The following RABGAP1L variants were observed in gnomAD, a reference collection of about 807,000 sequenced individuals.
RABGAP1L encodes rab GTPase-activating protein 1-like.
RABGAP1L carries 63 observed loss-of-function variants against 137.7 expected under a neutral mutation model. The observed-to-expected ratio is 0.46, with a 90% CI of 0.37 to 0.56. RABGAP1L has a LOEUF of 0.56. RABGAP1L is among the 20% of genes least tolerant of loss of function. RABGAP1L has a pLI of 0.00. For synonymous variants in RABGAP1L, 431 were observed against 433.7 expected (o/e 0.99, Z 0.08); for missense variants, 1,095 against 1,244.0 (o/e 0.88, Z 1.80).
At chr1:174,580,704 G>A (rs766191744) in intron 13 of RABGAP1L, among the ~76,000 whole-genome samples, 7 of 151,978 alleles carry the variant, frequency 4.6e-5, no homozygotes, top group African/African-American at 7.3e-5. Flanking sequence ...TGGGTGCAGC[G>A]CACCAACATG....
At chr1:174,596,676 C>G (rs1414047479) in intron 13 of RABGAP1L, among the ~76,000 whole-genome samples, 1 of 152,154 alleles carries the variant, frequency 6.6e-6, no homozygotes, top group African/African-American at 2.4e-5. Flanking sequence ...GATAATTTGA[C>G]TTCTTCCATT....
intron 20 of RABGAP1L, among the ~76,000 whole-genome samples, chr1:174,967,929 CAAA>C (rs200800559): frequency 1.5e-5 from 2 of 134,654 alleles, no homozygotes; most frequent in Non-Finnish European, 1.6e-5. Context: ...TATTTTTTTC[CAAA>C]AAAAAAAAAA....
At chr1:174,948,107 A>T (rs1359548880) in intron 19 of RABGAP1L, among the ~76,000 whole-genome samples, 1 of 152,214 alleles carries the variant, frequency 6.6e-6, no homozygotes, top group Non-Finnish European at 1.5e-5. Flanking sequence ...GTAGCTTTGT[A>T]AAGATAAAGG....
chr1:174,986,224 C>T (rs943065931), intron 24 of RABGAP1L, among the ~76,000 whole-genome samples: 4 of 151,824 alleles, frequency 2.6e-5, no homozygotes, highest in East Asian at 1.9e-4. Context: ...CTGGGATTAA[C>T]GGGCATGAGC....
chr1:174,903,708 T>G (rs1430466394), intron 19 of RABGAP1L, among the ~76,000 whole-genome samples: 1 of 152,186 alleles, frequency 6.6e-6, no homozygotes, highest in East Asian at 1.9e-4. Flanking sequence ...CCCAGCACTT[T>G]GGGAGGCTGA....
At chr1:174,458,524 A>G (rs1373754165) in intron 13 of RABGAP1L, among the ~76,000 whole-genome samples, 1 of 152,058 alleles carries the variant, frequency 6.6e-6, no homozygotes, top group African/African-American at 2.4e-5. Context: ...ATAAAAACCT[A>G]GATATTGATT....
At chr1:174,668,551 G>T (rs1325751134) in intron 14 of RABGAP1L, among the ~76,000 whole-genome samples, 1 of 152,170 alleles carries the variant, frequency 6.6e-6, no homozygotes, top group African/African-American at 2.4e-5. Context: ...TGGCTATTGG[G>T]AATAGTGTTA....
rs1433867873 is a variant in RABGAP1L at position 174,946,932 on chromosome 1, ATATATATATG to A, written c.2341-10523_2341-10514del. On this transcript the variant is annotated intron_variant, in intron 19 of 25. Transcript: ENST00000681986. ...AAAAAAAAAAAATATATATATATAT[ATATATATATG>A]TGTGTGTGTGTGTGTGTGTGTGTGT... Among the ~76,000 whole-genome samples, 232 of 71,774 alleles carry A rather than the reference ATATATATATG, an allele frequency of 3.2e-3. 3 individuals carry two copies. Among genetic ancestry groups the A allele is most frequent in the African/African-American group, 4.4e-3 (70 of 15,858 alleles). The allele number at this position is 71,774 out of a possible 152,430, so 47.1% of individuals were successfully genotyped here.
chr1:174,652,216 G>T (rs1454439338), intron 14 of RABGAP1L, among the ~76,000 whole-genome samples: 1 of 152,214 alleles, frequency 6.6e-6, no homozygotes, highest in Admixed American at 6.5e-5. Context: ...CTGTTAGTCT[G>T]TTGGGCTTCC....
rs1195345761 is a variant in RABGAP1L at position 174,969,371 on chromosome 1, G to A, written c.2528G>A (p.Arg843Gln). The change falls in exon 21 of 26, where the codon CGG (arginine) becomes CAG (glutamine). Residue 843 changes from arginine (R) to glutamine (Q), a missense_variant. This residue lies in a region of RABGAP1L where 312 missense variants were observed against 435.6 expected (regional missense o/e 0.72). Coordinates refer to ENST00000681986, the MANE Select transcript of RABGAP1L (RefSeq NM_001366446.1). ...HELVTSKIAL[R>Q]NDLDQAEDKA... ...CTAGTAACAAGCAAAATTGCTCTAC[G>A]GAATGACTTGGATCAGGTAATCCTT... The A allele has an allele frequency of 3.2e-6, 5 of 1,549,400 alleles. No homozygotes were observed. Among genetic ancestry groups the A allele is most frequent in the South Asian group, 1.2e-5 (1 of 84,020 alleles).
intron 19 of RABGAP1L, among the ~76,000 whole-genome samples, chr1:174,901,195 T>C (rs1658086844): frequency 6.6e-6 from 1 of 152,186 alleles, no homozygotes; most frequent in African/African-American, 2.4e-5. Flanking sequence ...AGCTCCTGTA[T>C]TGTTTTATCA....
chr1:174,369,263 C>T (rs1684898406), intron 11 of RABGAP1L, among the ~76,000 whole-genome samples: 1 of 152,160 alleles, frequency 6.6e-6, no homozygotes, highest in African/African-American at 2.4e-5. Flanking sequence ...AATCTTGGCT[C>T]ACTGCAACTG....
intron 1 of RABGAP1L, among the ~76,000 whole-genome samples, chr1:174,202,348 T>C (rs1431669280): frequency 4.6e-5 from 7 of 152,186 alleles, no homozygotes; most frequent in Non-Finnish European, 1.0e-4. Context: ...CCATTCTAAC[T>C]GGTGTGAGAT....
At chr1:174,613,050 A>G (rs1165075365) in intron 13 of RABGAP1L, among the ~76,000 whole-genome samples, 2 of 150,480 alleles carry the variant, frequency 1.3e-5, no homozygotes, top group Admixed American at 1.3e-4. Context: ...TTGTGTCTCT[A>G]TTTCCTTCAG....
At chr1:174,958,602 A>G (rs941436608) in intron 20 of RABGAP1L, among the ~76,000 whole-genome samples, 2 of 152,190 alleles carry the variant, frequency 1.3e-5, no homozygotes, top group African/African-American at 2.4e-5. Context: ...TTTTGTAACT[A>G]GAGTTATCTT....
chr1:174,877,688 A>T, intron 19 of RABGAP1L: 1 of 1,397,438 alleles, frequency 7.2e-7, no homozygotes, highest in Non-Finnish European at 1.0e-6. Flanking sequence ...ACTGAGGCAT[A>T]ACTTGCTGTT....
intron 12 of RABGAP1L, among the ~76,000 whole-genome samples, chr1:174,386,199 G>A (rs1686762148): frequency 6.6e-6 from 1 of 152,214 alleles, no homozygotes; most frequent in Non-Finnish European, 1.5e-5. Context: ...TACTTACTAT[G>A]TGCCAGGTTC....
At chr1:174,483,673 A>C (rs1206253284) in intron 13 of RABGAP1L, among the ~76,000 whole-genome samples, 1 of 152,144 alleles carries the variant, frequency 6.6e-6, no homozygotes, top group Non-Finnish European at 1.5e-5. Flanking sequence ...CTAAAAATAC[A>C]AAAATTAGCC....
chr1:174,874,353 A>G, intron 19 of RABGAP1L: 1 of 459,914 alleles, frequency 2.2e-6, no homozygotes, highest in South Asian at 9.2e-5. Context: ...CTCCCTCTCA[A>G]TTTACATGAC....
Sources: gnomAD v4.1 joint callset for allele counts (sites outside exome capture counted in the v4.1 genomes callset) on GRCh38, gnomAD v4.1.1 for gene constraint, gnomAD v4.1.1 regional missense constraint, MANE v1.5 for transcripts, NCBI Gene and HGNC (gene_info 2026-07-23, HGNC 2026-07-21) for gene names.